The following EXT2 variants were observed in gnomAD, a reference collection of about 807,000 sequenced individuals.
The protein encoded by EXT2 is exostosin glycosyltransferase 2.
In EXT2, 53 loss-of-function variants were observed where a neutral mutation model predicts 81.6. That is an observed-to-expected ratio of 0.65 (90% CI 0.52 to 0.82). EXT2 has a LOEUF of 0.82. Ranked by LOEUF, EXT2 falls within the 40% of genes least tolerant of loss-of-function variation. The pLI, the probability that EXT2 is intolerant of heterozygous loss-of-function variation, is 0.00. For missense variants in EXT2, 774 were observed against 910.2 expected (o/e 0.85, Z 1.93); for synonymous variants, 320 against 340.0 (o/e 0.94, Z 0.65).
chr11:44,139,275 A>G (rs541802877), intron 7 of EXT2, among the ~76,000 whole-genome samples: 4 of 151,900 alleles, frequency 2.6e-5, no homozygotes, highest in African/African-American at 9.7e-5. Flanking sequence ...GGAAAAAAAA[A>G]TGGTACTGAG....
At chr11:44,168,024 A>AGTGTCCG (rs1565219229) in intron 7 of EXT2, among the ~76,000 whole-genome samples, 2 of 138,744 alleles carry the variant, frequency 1.4e-5, no homozygotes, top group Non-Finnish European at 3.0e-5. Context: ...TCCTTAGTCC[A>AGTGTCCG]AGTGTTCTCG....
chr11:44,215,744 A>G (rs1955709904), intron 10 of EXT2, among the ~76,000 whole-genome samples: 1 of 152,222 alleles, frequency 6.6e-6, no homozygotes, highest in Non-Finnish European at 1.5e-5. Flanking sequence ...AAAATTAAAA[A>G]TGGTTTAAAT....
At chr11:44,119,127 TATATATATATATATATATATA>T (rs1954268199) in intron 4 of EXT2, among the ~76,000 whole-genome samples, 1 of 28,822 alleles carries the variant, frequency 3.5e-5, no homozygotes, top group Non-Finnish European at 7.0e-5. Context: ...TGGCTATTTA[TATATATATATATATATATATA>T]TATATATATA....
chr11:44,127,362 C>T (rs1954423451), intron 6 of EXT2, among the ~76,000 whole-genome samples: 1 of 152,172 alleles, frequency 6.6e-6, no homozygotes, highest in African/African-American at 2.4e-5. Flanking sequence ...AGGAGGTGAC[C>T]AGCGGGCCAG....
At chr11:44,232,708 G>A (rs1260256013) in intron 11 of EXT2, among the ~76,000 whole-genome samples, 1 of 152,172 alleles carries the variant, frequency 6.6e-6, no homozygotes, top group Non-Finnish European at 1.5e-5. Flanking sequence ...AAAGTTACTT[G>A]TAATCCTGTC....
chr11:44,230,258 G>C (rs953012018), intron 10 of EXT2, among the ~76,000 whole-genome samples: 1 of 152,200 alleles, frequency 6.6e-6, no homozygotes, highest in Admixed American at 6.5e-5. Context: ...AGAACAGAAG[G>C]GCCACTGGAG....
rs180923708 is a variant in EXT2, at chr11:44,185,044, A to G, written c.1306-12785A>G. Among the ~76,000 whole-genome samples the G allele has an allele frequency of 1.0e-3, 156 of 152,310 alleles. 1 individual carries two copies. The highest frequency in any genetic ancestry group is 3.7e-3 in the African/African-American group (154 of 41,576). ...TCACCAAGCTCAGGTTGAGAAAGAA[A>G]AGTGACTTTTGTTGCTTCTGTGTAC... On this transcript the variant is annotated intron_variant, in intron 8 of 13. Transcript: ENST00000533608.
Position 44,240,258 on chromosome 11 carries a change from A to G in EXT2, c.2018+3883A>G, listed in dbSNP as rs182057949. On this transcript the variant is annotated intron_variant, in intron 13 of 13. Transcript: ENST00000533608. ...TGGGAAATTCTGGCATTTAGGAGAC[A>G]CAAAGAGTAACTGAAAACAGAGAGG... 2.6e-5 allele frequency among the ~76,000 whole-genome samples: 4 copies of G among 152,372 alleles called. No individual in the cohort carries two copies. In the East Asian group the frequency reaches 7.7e-4, roughly 29 times the overall value.
In EXT2 at chr11:44,124,864, G is replaced by A; in HGVS notation, c.819G>A (p.Gln273=). ...ACAGAGAGGACCTAGAAGCCCTCCA[G>A]GTCAAACATGGAGAGTCAGTGTTAG... ...PEYREDLEAL[Q]VKHGESVLVL... The change falls in exon 5 of 14, where the codon CAG becomes CAA. Residue 273 remains glutamine, a synonymous_variant. Transcript: ENST00000533608. 2.5e-6 allele frequency: 4 copies of A among 1,614,056 alleles called. No individual in the cohort carries two copies. The South Asian group carries it at 3.3e-5, about 13-fold the overall frequency.
intron 10 of EXT2, among the ~76,000 whole-genome samples, chr11:44,219,569 C>T (rs1955760280): frequency 6.6e-6 from 1 of 152,156 alleles, no homozygotes; most frequent in Non-Finnish European, 1.5e-5. Context: ...GCTTATGATC[C>T]TTCTGATAAG....
rs1397842977 is a variant in EXT2 at position 44,119,120 on chromosome 11, CTATTTA to C, written c.743+4823_743+4828del. 1.2e-3 allele frequency among the ~76,000 whole-genome samples: 35 copies of C among 28,828 alleles called. No homozygotes were observed. In the South Asian group the frequency reaches 0.017, roughly 14 times the overall value. The allele number at this position is 28,828 out of a possible 152,430, so 18.9% of individuals were successfully genotyped here. ...ATTATGTCCCCCAGGGGACATTTGG[CTATTTA>C]TATATATATATATATATATATATAT... On this transcript the variant is annotated intron_variant, in intron 4 of 13. Coordinates refer to ENST00000533608, the MANE Select transcript of EXT2 (RefSeq NM_207122.2).
intron 10 of EXT2, among the ~76,000 whole-genome samples, chr11:44,214,165 G>A (rs1955686709): frequency 6.6e-6 from 1 of 150,452 alleles, no homozygotes; most frequent in South Asian, 2.1e-4. Flanking sequence ...CCAGGCTGTA[G>A]TGCAGTGGCG....
At position 44,108,178 on chromosome 11, in the gene EXT2, T is replaced by A; in HGVS notation, c.466T>A (p.Ser156Thr). The A allele has an allele frequency of 6.2e-7, 1 of 1,613,950 alleles. No homozygotes were observed. The highest frequency in any genetic ancestry group is 8.5e-7 in the Non-Finnish European group (1 of 1,180,030). Residue 156 changes from serine (S) to threonine (T), a missense_variant, in exon 2 of 14, where the codon TCC becomes ACC. By Grantham distance (58) the Ser-to-Thr change is moderately conservative. Around this residue, in one of 2 missense-constraint regions of EXT2, gnomAD observed 626 missense variants for 670.5 expected, o/e 0.93. Coordinates refer to ENST00000533608, the MANE Select transcript of EXT2 (RefSeq NM_207122.2). ...DINRACLFVPSIDVLNQNTLR... is the reference protein window; with the variant it reads ...DINRACLFVPTIDVLNQNTLR... ...CAACCGGGCCTGTCTGTTTGTTCCC[T>A]CCATCGATGTGCTTAACCAGAACAC...
At chr11:44,181,518 T>C (rs1252152326) in intron 8 of EXT2, among the ~76,000 whole-genome samples, 2 of 152,200 alleles carry the variant, frequency 1.3e-5, no homozygotes, top group African/African-American at 4.8e-5. Context: ...GCTAGACTGA[T>C]TGCTGTTTTT....
intron 9 of EXT2, among the ~76,000 whole-genome samples, chr11:44,202,323 A>G (rs774534829): frequency 3.1e-4 from 47 of 152,202 alleles, no homozygotes; most frequent in Non-Finnish European, 6.0e-4. Context: ...TGCTATACAC[A>G]TTCGCCAATT....
At chr11:44,116,289 T>G (rs1020357637) in intron 4 of EXT2, 4 of 152,242 alleles carry the variant, frequency 2.6e-5, no homozygotes, top group Non-Finnish European at 5.9e-5. Flanking sequence ...TTTGTACCTG[T>G]CTTCTTTCAC....
intron 1 of EXT2, among the ~76,000 whole-genome samples, chr11:44,099,735 C>T (rs1398827163): frequency 6.6e-6 from 1 of 152,126 alleles, no homozygotes; most frequent in Non-Finnish European, 1.5e-5. Flanking sequence ...AATACTTAAC[C>T]AATTCATAAA....
chr11:44,109,247 C>A lies in EXT2; in HGVS notation c.590C>A (p.Pro197Gln). ...TTCAACATGTTGCCTGGAGGTCCCC[C>A]AGATTATAACACAGCCCTGGATGTC... ...LLFNMLPGGP[P>Q]DYNTALDVPR... is the part of the protein sequence containing the mutation. Residue 197 changes from proline to glutamine, a missense_variant, in exon 3 of 14, where the codon CCA becomes CAA. Physicochemically the swap from Pro to Gln is moderately conservative, Grantham distance 76 (BLOSUM62 -1). Coordinates refer to ENST00000533608, the MANE Select transcript of EXT2 (RefSeq NM_207122.2). 1 of 1,614,064 alleles carries A rather than the reference C, an allele frequency of 6.2e-7. No individual in the cohort carries two copies. Among genetic ancestry groups the A allele is most frequent in the Non-Finnish European group, 8.5e-7 (1 of 1,179,986 alleles).
At chr11:44,144,100 C>G (rs369226608) in intron 7 of EXT2, 1 of 687,818 alleles carries the variant, frequency 1.5e-6, no homozygotes, top group African/African-American at 1.8e-5. Context: ...AACAAACTTA[C>G]GCTTTCTTTC....
Sources: gnomAD v4.1 joint callset for allele counts (sites outside exome capture counted in the v4.1 genomes callset) on GRCh38, gnomAD v4.1.1 for gene constraint, gnomAD v4.1.1 regional missense constraint, MANE v1.5 for transcripts, NCBI Gene and HGNC (gene_info 2026-07-23, HGNC 2026-07-21) for gene names.